COL4A2: variants seen among roughly 807,000 people sequenced by gnomAD.
COL4A2 encodes the protein collagen type IV alpha 2 chain.
A neutral mutation model predicts 200.2 loss-of-function variants in COL4A2; 99 were observed. That is an observed-to-expected ratio of 0.49 (90% CI 0.42 to 0.58). The LOEUF (loss-of-function observed/expected upper bound fraction) is 0.58. Ranked by LOEUF, COL4A2 falls within the 20% of genes least tolerant of loss-of-function variation. The probability of loss-of-function intolerance (pLI) is 0.00; values close to 1 mark genes in which losing one functional copy is unlikely to be tolerated. For missense variants in COL4A2, 1,950 were observed against 2,314.1 expected, an observed-to-expected ratio of 0.84 and a Z score of 3.23; for synonymous variants, 897 against 900.6, an observed-to-expected ratio of 1.00 and a Z score of 0.07.
At chr13:110,382,410 A>T (rs1323139248) in intron 4 of COL4A2, among the ~76,000 whole-genome samples, 1 of 152,236 alleles carries the variant, frequency 6.6e-6, no homozygotes, top group Non-Finnish European at 1.5e-5. Context: ...TTCCCCAGAG[A>T]GAAATATATG....
At position 110,480,317 on chromosome 13, in the gene COL4A2, A is replaced by T. The variant is rs897328488; in HGVS notation, c.2685A>T (p.Thr895=). Reference sequence around the variant, plus strand: ...GTGACAGAGGAGATGCTGGCTTCACAGGGGAGCAAGGCCATCCAGGAAGCC... The same window carrying T: ...GTGACAGAGGAGATGCTGGCTTCACTGGGGAGCAAGGCCATCCAGGAAGCC... ...LSGDRGDAGF[T]GEQGHPGSPG... is the part of the protein sequence containing the mutation. Residue 895 remains threonine, a synonymous_variant, in exon 31 of 48, where the codon ACA becomes ACT. Coordinates refer to ENST00000360467, the MANE Select transcript of COL4A2 (RefSeq NM_001846.4). 2.5e-6 allele frequency: 4 copies of T among 1,613,896 alleles called. No individual in the cohort carries two copies. The African/African-American group carries it at 5.3e-5, about 22-fold the overall frequency.
In COL4A2 at chr13:110,307,800, C is replaced by A. The variant is rs1566462966; in HGVS notation, c.-44-60C>A. The A allele has an allele frequency of 1.4e-6, 2 of 1,426,808 alleles. No individual in the cohort carries two copies. Among genetic ancestry groups the A allele is most frequent in the Non-Finnish European group, 1.9e-6 (2 of 1,058,894 alleles). The allele number at this position is 1,426,808 out of a possible 1,614,324, so 88.4% of individuals were successfully genotyped here. A position where few individuals can be genotyped will look rare whatever the true frequency, so the allele number is the denominator to read the frequency against. ...CCCGCGTCTCGCGGACCGAGACCGG[C>A]GGTGAGGATGGGCTGCCTCCCTCAT... On this transcript the variant is annotated intron_variant, in intron 1 of 47. Coordinates refer to ENST00000360467, the MANE Select transcript of COL4A2 (RefSeq NM_001846.4). The surrounding 1 kb of genome is among the most constrained non-coding windows in gnomAD (Gnocchi z 5.0).
At chr13:110,358,140 A>G (rs1458883923) in intron 4 of COL4A2, among the ~76,000 whole-genome samples, 4 of 152,214 alleles carry the variant, frequency 2.6e-5, no homozygotes, top group African/African-American at 9.6e-5. Flanking sequence ...CACACATTGT[A>G]CAGCTGTACA....
intron 29 of COL4A2, among the ~76,000 whole-genome samples, chr13:110,475,068 A>T (rs1358365179): frequency 6.6e-6 from 1 of 151,422 alleles, no homozygotes; most frequent in Non-Finnish European, 1.5e-5. Context: ...ATGATCACAC[A>T]CTCACATACA....
At chr13:110,468,850 G>GCGAT (rs1337661075) in intron 27 of COL4A2, among the ~76,000 whole-genome samples, 1 of 152,134 alleles carries the variant, frequency 6.6e-6, no homozygotes, top group East Asian at 1.9e-4. Flanking sequence ...CATGAGGCAG[G>GCGAT]CGATCCTTCT....
At chr13:110,381,305 AC>A (rs1253563025) in intron 4 of COL4A2, among the ~76,000 whole-genome samples, 26 of 151,658 alleles carry the variant, frequency 1.7e-4, no homozygotes, top group Middle Eastern at 3.2e-3. Flanking sequence ...TGTCACACCC[AC>A]CGGCTCTATC....
At chr13:110,363,641 C>T (rs896695507) in intron 4 of COL4A2, among the ~76,000 whole-genome samples, 5 of 152,060 alleles carry the variant, frequency 3.3e-5, no homozygotes, top group African/African-American at 1.2e-4. Flanking sequence ...AGAGGGTGCC[C>T]CACGCAGATA....
intron 4 of COL4A2, among the ~76,000 whole-genome samples, chr13:110,407,388 A>G (rs1474242568): frequency 6.6e-6 from 1 of 152,220 alleles, no homozygotes; most frequent in Non-Finnish European, 1.5e-5. Context: ...GTCAGCAGAC[A>G]CAGTGAGGGA....
intron 3 of COL4A2, among the ~76,000 whole-genome samples, chr13:110,323,914 C>T (rs1885341421): frequency 1.3e-5 from 2 of 152,174 alleles, no homozygotes; most frequent in South Asian, 2.1e-4. Context: ...ATGCTGAGTG[C>T]GAAAGGCATG....
chr13:110,391,282 T>A (rs1271819288), intron 4 of COL4A2, among the ~76,000 whole-genome samples: 2 of 152,202 alleles, frequency 1.3e-5, no homozygotes, highest in East Asian at 3.9e-4. Context: ...ACAGAGCCCC[T>A]TCTGCTATTA....
intron 3 of COL4A2, among the ~76,000 whole-genome samples, chr13:110,330,471 C>T (rs1256124000): frequency 6.6e-6 from 1 of 152,154 alleles, no homozygotes; most frequent in African/African-American, 2.4e-5. Context: ...GGGGCAAATC[C>T]CCTGAAGTCT....
At chr13:110,368,051 T>C (rs1359519913) in intron 4 of COL4A2, among the ~76,000 whole-genome samples, 3 of 152,204 alleles carry the variant, frequency 2.0e-5, no homozygotes, top group African/African-American at 7.2e-5. Flanking sequence ...ATTTAACACC[T>C]GAAATTTTGC....
At position 110,478,140 on chromosome 13, in the gene COL4A2, C is replaced by T; in HGVS notation, c.2563C>T (p.Leu855=). Residue 855 remains leucine (L), a synonymous_variant, in exon 30 of 48, where the codon CTG becomes TTG. Coordinates refer to ENST00000360467, the MANE Select transcript of COL4A2 (RefSeq NM_001846.4). ...TCCTGGCCAAGAGGGGCCCTTGGGG[C>T]TGCCAGGAATCCCAGGCCGTGAAGG... The part of the protein sequence containing the change: ...GAPGQEGPLG[L]PGIPGREGLP... 6.3e-7 allele frequency: 1 copy of T among 1,597,392 alleles called. No homozygotes were observed. Among genetic ancestry groups the T allele is most frequent in the Non-Finnish European group, 8.5e-7 (1 of 1,171,214 alleles).
chr13:110,346,613 T>A (rs4771664), intron 3 of COL4A2, among the ~76,000 whole-genome samples: 1 of 151,902 alleles, frequency 6.6e-6, no homozygotes, highest in African/African-American at 2.4e-5. Context: ...GTGGCTCCAG[T>A]GCTCTGCTGT....
chr13:110,475,918 G>T (rs964365994), intron 29 of COL4A2, among the ~76,000 whole-genome samples: 1 of 152,256 alleles, frequency 6.6e-6, no homozygotes, highest in South Asian at 2.1e-4. Context: ...CAGCTCTAAA[G>T]AAATAATCAC....
At chr13:110,386,874 A>T (rs1048806587) in intron 4 of COL4A2, among the ~76,000 whole-genome samples, 1 of 152,200 alleles carries the variant, frequency 6.6e-6, no homozygotes, top group Non-Finnish European at 1.5e-5. Context: ...AAGGGCTGCT[A>T]GAAGGGTCTA....
rs1011194662 is a variant in COL4A2 at position 110,307,977 on chromosome 13, G to C, written c.44+30G>C. 1.9e-6 allele frequency: 3 copies of C among 1,612,282 alleles called. No homozygotes were observed. Among genetic ancestry groups the C allele is most frequent in the Non-Finnish European group, 2.5e-6 (3 of 1,179,346 alleles). ...GCGACTTTCTGCCTGGTCCCCGTGGGTCACGCGCGCATGGACCCTTCGGTG... is the reference window on the plus strand; with the variant it reads ...GCGACTTTCTGCCTGGTCCCCGTGGCTCACGCGCGCATGGACCCTTCGGTG... On this transcript the variant is annotated intron_variant, in intron 2 of 47. Transcript: ENST00000360467. The surrounding 1 kb of genome is among the most constrained non-coding windows in gnomAD (Gnocchi z 5.0).
At chr13:110,434,993 C>T (rs867402949) in intron 12 of COL4A2, among the ~76,000 whole-genome samples, 3 of 152,218 alleles carry the variant, frequency 2.0e-5, no homozygotes, top group African/African-American at 7.2e-5. Context: ...GCAAGCAAAA[C>T]CTCACCAACA....
Position 110,506,646 on chromosome 13 carries a change from C to A in COL4A2, c.4594+40C>A, listed in dbSNP as rs1393384853. 4 of 1,547,476 alleles carry A rather than the reference C, an allele frequency of 2.6e-6. No individual in the cohort carries two copies. In the Admixed American group the frequency reaches 6.1e-5, roughly 23 times the overall value. ...CCCGGCCCCCGTTGCCTGCTCAGGGCTGGCCCGGAAGTGGCCAAGATCAAA... is the reference window on the plus strand; with the variant it reads ...CCCGGCCCCCGTTGCCTGCTCAGGGATGGCCCGGAAGTGGCCAAGATCAAA... On this transcript the variant is annotated intron_variant, in intron 46 of 47. Transcript: ENST00000360467.
Sources: gnomAD v4.1 joint callset for allele counts (sites outside exome capture counted in the v4.1 genomes callset) on GRCh38, gnomAD v4.1.1 for gene constraint, Gnocchi (gnomAD v3.1) non-coding constraint, MANE v1.5 for transcripts, NCBI Gene and HGNC (gene_info 2026-07-23, HGNC 2026-07-21) for gene names.